The following SH3RF1 variants were observed in gnomAD, a reference collection of about 807,000 sequenced individuals.
SH3RF1 encodes SH3 domain containing ring finger 1.
A neutral mutation model predicts 74.0 loss-of-function variants in SH3RF1; 32 were observed. The ratio of observed to expected loss-of-function variants is 0.43; its 90% CI spans 0.33 to 0.58. The LOEUF (loss-of-function observed/expected upper bound fraction) is 0.58. Ranked by LOEUF, SH3RF1 falls within the 20% of genes least tolerant of loss-of-function variation. The pLI, the probability that SH3RF1 is intolerant of heterozygous loss-of-function variation, is 0.05. For missense variants in SH3RF1, 954 were observed against 1,130.9 expected (o/e 0.84, Z 2.24); for synonymous variants, 396 against 439.6 (o/e 0.90, Z 1.24).
intron 2 of SH3RF1, among the ~76,000 whole-genome samples, chr4:169,162,077 G>A (rs191088316): frequency 6.6e-6 from 1 of 152,058 alleles, no homozygotes; most frequent in Admixed American, 6.6e-5. Context: ...TTGCGAGGCT[G>A]AGGCAGTAGG....
chr4:169,128,443 A>G (rs79300122), intron 6 of SH3RF1, among the ~76,000 whole-genome samples: 2,643 of 152,340 alleles, frequency 0.017, 70 homozygotes, highest in African/African-American at 0.061. Context: ...TAAAACAAAC[A>G]AACAAAAAAC....
intron 2 of SH3RF1, among the ~76,000 whole-genome samples, chr4:169,208,149 GTT>G (rs5863986): frequency 6.8e-6 from 1 of 146,534 alleles, no homozygotes; most frequent in Admixed American, 6.8e-5. Flanking sequence ...AAGTCCTCAA[GTT>G]TTTTTTTTTT....
At chr4:169,240,686 T>G (rs1730894126) in intron 2 of SH3RF1, among the ~76,000 whole-genome samples, 1 of 152,160 alleles carries the variant, frequency 6.6e-6, no homozygotes. Context: ...ATTCATCACC[T>G]CACACACCTG....
At chr4:169,206,390 G>A (rs1360816995) in intron 2 of SH3RF1, among the ~76,000 whole-genome samples, 1 of 137,758 alleles carries the variant, frequency 7.3e-6, no homozygotes, top group African/African-American at 2.7e-5. Context: ...TCAAGGGGCT[G>A]GGGGAAGGGG....
At chr4:169,163,170 T>A (rs1208121223) in intron 2 of SH3RF1, among the ~76,000 whole-genome samples, 1 of 151,914 alleles carries the variant, frequency 6.6e-6, no homozygotes, top group African/African-American at 2.4e-5. Flanking sequence ...TTCCCTGGGC[T>A]GTACTCTCAT....
At chr4:169,239,369 A>T (rs1043141926) in intron 2 of SH3RF1, among the ~76,000 whole-genome samples, 1 of 152,210 alleles carries the variant, frequency 6.6e-6, no homozygotes, top group Non-Finnish European at 1.5e-5. Flanking sequence ...CCAAGCATAC[A>T]GAGAAATAAT....
chr4:169,232,678 C>A (rs1367199025), intron 2 of SH3RF1, among the ~76,000 whole-genome samples: 2 of 152,096 alleles, frequency 1.3e-5, no homozygotes, highest in Non-Finnish European at 2.9e-5. Flanking sequence ...GCTGTAAGAG[C>A]ATGGAACATT....
chr4:169,096,708 G>T, intron 11 of SH3RF1, 21 bp from the exon 12 acceptor site: 1 of 1,599,356 alleles, frequency 6.3e-7, no homozygotes, highest in South Asian at 1.1e-5. Flanking sequence ...AAGAGATTTT[G>T]GTTAAGGCGA....
intron 2 of SH3RF1, among the ~76,000 whole-genome samples, chr4:169,251,925 A>G (rs572347578): frequency 3.3e-5 from 5 of 152,238 alleles, no homozygotes; most frequent in African/African-American, 1.2e-4. Context: ...ATATTCATCA[A>G]TCAAAACTAT....
chr4:169,219,843 G>A (rs1177318817), intron 2 of SH3RF1, among the ~76,000 whole-genome samples: 1 of 152,158 alleles, frequency 6.6e-6, no homozygotes, highest in Non-Finnish European at 1.5e-5. Context: ...ATGTCGCCCT[G>A]TATGCAATCG....
chr4:169,244,747 C>T (rs1730966599), intron 2 of SH3RF1, among the ~76,000 whole-genome samples: 1 of 152,128 alleles, frequency 6.6e-6, no homozygotes, highest in African/African-American at 2.4e-5. Flanking sequence ...ACAATGACAA[C>T]GCCACAGTGC....
chr4:169,189,233 T>TA (rs1319424774), intron 2 of SH3RF1, among the ~76,000 whole-genome samples: 5 of 152,250 alleles, frequency 3.3e-5, no homozygotes, highest in Admixed American at 6.5e-5. Context: ...CCAAAACACT[T>TA]AAATTCAGAA....
At chr4:169,178,529 T>C (rs1734459456) in intron 2 of SH3RF1, among the ~76,000 whole-genome samples, 2 of 151,960 alleles carry the variant, frequency 1.3e-5, no homozygotes, top group African/African-American at 4.8e-5. Flanking sequence ...CAGACCTGGG[T>C]GGACAGGGCT....
intron 2 of SH3RF1, among the ~76,000 whole-genome samples, chr4:169,190,542 A>T (rs1734684495): frequency 6.6e-6 from 1 of 152,076 alleles, no homozygotes; most frequent in Admixed American, 6.5e-5. Context: ...TACCCTGAAC[A>T]GACAAATAAC....
intron 10 of SH3RF1, among the ~76,000 whole-genome samples, chr4:169,111,424 A>G (rs1256397262): frequency 6.7e-6 from 1 of 149,928 alleles, no homozygotes; most frequent in Non-Finnish European, 1.5e-5. Flanking sequence ...CCAGCTAATT[A>G]AAAATAATTT....
At chr4:169,187,593 A>C (rs142095321) in intron 2 of SH3RF1, among the ~76,000 whole-genome samples, 2,048 of 150,204 alleles carry the variant, frequency 0.014, 44 homozygotes, top group African/African-American at 0.047. Context: ...TTTTAAGCTT[A>C]TTCCCTTTTT....
intron 8 of SH3RF1, 51 bp from the exon 9 acceptor site, chr4:169,117,833 A>G (rs1733363688): frequency 1.3e-6 from 2 of 1,569,174 alleles, no homozygotes. Flanking sequence ...GCAAAATGAC[A>G]GAAAGAACAA....
At chr4:169,261,226 C>G (rs1211611247) in intron 2 of SH3RF1, among the ~76,000 whole-genome samples, 1 of 151,952 alleles carries the variant, frequency 6.6e-6, no homozygotes, top group East Asian at 1.9e-4. Context: ...CAACTTCTGA[C>G]CTCCAAACCA....
chr4:169,202,085 TA>T (rs542971477), intron 2 of SH3RF1, among the ~76,000 whole-genome samples: 84 of 145,920 alleles, frequency 5.8e-4, no homozygotes, highest in African/African-American at 6.7e-4. Context: ...GCTGTCAGCT[TA>T]AAAAAAAAAA....
Sources: gnomAD v4.1 joint callset for allele counts (sites outside exome capture counted in the v4.1 genomes callset) on GRCh38, gnomAD v4.1.1 for gene constraint, MANE v1.5 for transcripts, NCBI Gene and HGNC (gene_info 2026-07-23, HGNC 2026-07-21) for gene names.